The following SENP3 variants were observed in gnomAD, a reference collection of about 807,000 sequenced individuals.
SENP3 encodes the protein SUMO specific peptidase 3.
In SENP3, 11 loss-of-function variants were observed where a neutral mutation model predicts 66.2. The ratio of observed to expected loss-of-function variants is 0.17; its 90% CI spans 0.10 to 0.28. The LOEUF is 0.28. Ranked by LOEUF, SENP3 falls within the 10% of genes least tolerant of loss-of-function variation. SENP3 has a pLI of 1.00. For synonymous variants in SENP3, 292 were observed against 277.6 expected, an observed-to-expected ratio of 1.05 and a Z score of -0.52; for missense variants, 548 against 743.7, an observed-to-expected ratio of 0.74 and a Z score of 3.06.
chr17:7,571,252 C>T (rs997824802), intron 10 of SENP3, 121 bp from the exon 11 acceptor site: 2 of 715,648 alleles, frequency 2.8e-6, no homozygotes, highest in African/African-American at 3.6e-5. Context: ...GAACCCCAGG[C>T]TGTGGGACCC....
At position 7,563,230 on chromosome 17, in the gene SENP3, C is replaced by G; in HGVS notation, c.154C>G (p.Pro52Ala). The change falls in exon 2 of 11, where the codon CCT becomes GCT. Residue 52 changes from proline to alanine, a missense_variant. Transcript: ENST00000321337. Reference sequence around the variant, plus strand: ...GTCAGGTGGAGGGTTTGGGCCAGATCCTGGGTCAGGGACCACAGTGCCAGC... The same window carrying G: ...GTCAGGTGGAGGGTTTGGGCCAGATGCTGGGTCAGGGACCACAGTGCCAGC... ...LKSGGGFGPDPGSGTTVPARR... is the reference protein window; with the variant it reads ...LKSGGGFGPDAGSGTTVPARR... 2 of 1,568,580 alleles carry G rather than the reference C, an allele frequency of 1.3e-6. No individual in the cohort carries two copies. Among genetic ancestry groups the G allele is most frequent in the Non-Finnish European group, 1.7e-6 (2 of 1,156,652 alleles).
At chr17:7,565,094 A>C in intron 4 of SENP3, 24 bp downstream of exon 4, 1 of 1,512,302 alleles carries the variant, frequency 6.6e-7, no homozygotes, top group Non-Finnish European at 9.2e-7. Context: ...GCCCTCCTTG[A>C]AAGAAGGGCT....
At chr17:7,564,584 G>C (rs1410411885) in intron 2 of SENP3, 41 bp from the exon 3 acceptor site, 1 of 1,610,374 alleles carries the variant, frequency 6.2e-7, no homozygotes, top group South Asian at 1.1e-5. Context: ...GCTTTCCCCA[G>C]GCCAGTCTCT....
At chr17:7,565,866 T>C (rs968963436) in intron 6 of SENP3, 102 bp downstream of exon 6, 2 of 998,092 alleles carry the variant, frequency 2.0e-6, no homozygotes, top group Admixed American at 2.2e-5. Context: ...AGAGGGTCTC[T>C]GTTTCAGGGA....
At chr17:7,564,549 G>A (rs986415615) in intron 2 of SENP3, 76 bp from the exon 3 acceptor site, 1 of 1,576,236 alleles carries the variant, frequency 6.3e-7, no homozygotes, top group African/African-American at 1.3e-5. Context: ...TTGCATGCAT[G>A]AGTCAACTGT....
At position 7,570,591 on chromosome 17, in the gene SENP3, C is replaced by T. The variant is rs757218145; in HGVS notation, c.1480-90C>T. 8.9e-6 allele frequency: 14 copies of T among 1,567,926 alleles called. No individual in the cohort carries two copies. The highest frequency in any genetic ancestry group is 1.2e-5 in the Non-Finnish European group (14 of 1,152,436). On this transcript the variant is annotated intron_variant, in intron 8 of 10. Transcript: ENST00000321337. This position sits in a 1 kb window ranked among gnomAD's most constrained non-coding sequence, Gnocchi z 5.4. Reference sequence around the variant, plus strand: ...GGGCTTTGGGTCTTTGAGGGGCGACCTGGGCATGGTGTCTGCCAGCACTGT... The same window carrying T: ...GGGCTTTGGGTCTTTGAGGGGCGACTTGGGCATGGTGTCTGCCAGCACTGT...
At chr17:7,564,341 A>G (rs1219642546) in intron 2 of SENP3, 6 of 560,264 alleles carry the variant, frequency 1.1e-5, no homozygotes, top group Admixed American at 2.4e-5. Flanking sequence ...TTTGGCATAT[A>G]GTGGTGACAA....
At position 7,564,719 on chromosome 17, in the gene SENP3, C is replaced by A. The variant is rs377614020; in HGVS notation, c.810C>A (p.Ile270=). 2.5e-6 allele frequency: 4 copies of A among 1,613,950 alleles called. No individual in the cohort carries two copies. In the African/African-American group the frequency reaches 4.0e-5, roughly 16 times the overall value. The change falls in exon 3 of 11, where the codon ATC becomes ATA. Residue 270 remains isoleucine (I), a synonymous_variant. Coordinates refer to ENST00000321337, the MANE Select transcript of SENP3 (RefSeq NM_015670.6). ...CACCCCCTGATGCCAGCATCCTCAT[C>A]AGCAATGTGTGCAGCATCGGGGACC... ...SLAPPDASIL[I]SNVCSIGDHV...
At position 7,571,910 on chromosome 17, in the gene SENP3, A is replaced by ATATAAATAT. The variant is rs2071328340; in HGVS notation, c.*427_*428insTATAAATAT. The ATATAAATAT allele has an allele frequency of 3.9e-5, 1 of 25,318 alleles. No homozygotes were observed. Among genetic ancestry groups the ATATAAATAT allele is most frequent in the Non-Finnish European group, 7.2e-5 (1 of 13,910 alleles). 1.6% of individuals were successfully genotyped at this position (25,318 alleles called of 1,614,324 possible). On this transcript the variant is annotated 3_prime_UTR_variant, in exon 11 of 11. Coordinates refer to ENST00000321337, the MANE Select transcript of SENP3 (RefSeq NM_015670.6). ...ATATATATATATATATATATATATA[A>ATATAAATAT]AAATATATAAATGCCACGGTCCTGC...
intron 5 of SENP3, 23 bp downstream of exon 5, chr17:7,565,610 G>A: frequency 6.2e-7 from 1 of 1,613,594 alleles, no homozygotes; most frequent in East Asian, 2.2e-5. Flanking sequence ...AGAGAAACAG[G>A]CCTGAGAGGG....
At chr17:7,569,854 C>T (rs902060544) in intron 7 of SENP3, among the ~76,000 whole-genome samples, 4 of 152,186 alleles carry the variant, frequency 2.6e-5, no homozygotes, top group African/African-American at 9.7e-5. Flanking sequence ...GCATTAACTG[C>T]GTGTTTACTT....
chr17:7,562,212 G>A lies in SENP3; in HGVS notation c.-63G>A, dbSNP rs2150917491. On this transcript the variant is annotated 5_prime_UTR_variant, in exon 1 of 11. The change abolishes the stop of an existing upstream ORF in the 5' untranslated region. Coordinates refer to ENST00000321337, the MANE Select transcript of SENP3 (RefSeq NM_015670.6). The surrounding 1 kb of genome is among the most constrained non-coding windows in gnomAD (Gnocchi z 5.0). ...GCCGGAGAGATGAGCCGGGAAGCTTGAGGCCGGAGACGCCCGCCTTCGGGC... is the reference window on the plus strand; with the variant it reads ...GCCGGAGAGATGAGCCGGGAAGCTTAAGGCCGGAGACGCCCGCCTTCGGGC... The A allele has an allele frequency of 5.0e-6, 2 of 398,598 alleles. No homozygotes were observed. Among genetic ancestry groups the A allele is most frequent in the East Asian group, 7.1e-5 (2 of 28,064 alleles). The allele number at this position is 398,598 out of a possible 1,614,324, so 24.7% of individuals were successfully genotyped here.
At position 7,563,288 on chromosome 17, in the gene SENP3, A is replaced by T. The variant is rs1431692205; in HGVS notation, c.212A>T (p.Asp71Val). ...RRLPVPRPSF[D>V]ASASEEEEEE... ...CTCCCTGTCCCCCGACCCTCTTTTG[A>T]TGCCTCAGCAAGTGAAGAGGAGGAA... Residue 71 changes from aspartate to valine, a missense_variant, in exon 2 of 11, where the codon GAT (aspartate) becomes GTT (valine). Around this residue, in one of 6 missense-constraint regions of SENP3, gnomAD observed 164 missense variants for 167.9 expected, o/e 0.98. Coordinates refer to ENST00000321337, the MANE Select transcript of SENP3 (RefSeq NM_015670.6). 1 of 1,553,348 alleles carries T rather than the reference A, an allele frequency of 6.4e-7. No individual in the cohort carries two copies. Among genetic ancestry groups the T allele is most frequent in the African/African-American group, 1.4e-5 (1 of 73,226 alleles).
chr17:7,571,052 G>C, intron 10 of SENP3, 119 bp downstream of exon 10: 1 of 859,318 alleles, frequency 1.2e-6, no homozygotes, highest in South Asian at 1.7e-5. Flanking sequence ...GAAGTAATCT[G>C]TTTTAGAACA....
intron 2 of SENP3, 143 bp downstream of exon 2, chr17:7,563,934 A>G: frequency 1.4e-6 from 1 of 721,192 alleles, no homozygotes; most frequent in South Asian, 1.9e-5. Flanking sequence ...AGAGCTGCGA[A>G]ATGTCTCCAT....
rs372606476 is a variant in SENP3 at position 7,570,820 on chromosome 17, G to A, written c.1563+56G>A. ...TTGGTGGGGACAGTGGTAGAAGGCA[G>A]AAATTGAAGTCCTACCCCTGGGAGT... On this transcript the variant is annotated intron_variant, in intron 9 of 10. Transcript: ENST00000321337. The surrounding 1 kb of genome is among the most constrained non-coding windows in gnomAD (Gnocchi z 5.4). 21 of 1,602,522 alleles carry A rather than the reference G, an allele frequency of 1.3e-5. No homozygotes were observed. The highest frequency in any genetic ancestry group is 3.5e-5 in the Admixed American group (2 of 57,918).
chr17:7,563,399 C>T lies in SENP3; in HGVS notation c.323C>T (p.Ser108Phe). 6.4e-7 allele frequency: 1 copy of T among 1,550,962 alleles called. No individual in the cohort carries two copies. Among genetic ancestry groups the T allele is most frequent in the Non-Finnish European group, 8.7e-7 (1 of 1,146,968 alleles). The change falls in exon 2 of 11, where the codon TCC (serine) becomes TTC (phenylalanine). Residue 108 changes from serine to phenylalanine, a missense_variant. Physicochemically the swap from Ser to Phe is radical, Grantham distance 155 (BLOSUM62 -2). This residue lies in a region of SENP3 where 164 missense variants were observed against 167.9 expected (regional missense o/e 0.98). Coordinates refer to ENST00000321337, the MANE Select transcript of SENP3 (RefSeq NM_015670.6). ...CCAAGATGGAGTCAGCTGGGAACCTCCCAGCGGCCCCGCCCTTCCCGCCCC... is the reference window on the plus strand; with the variant it reads ...CCAAGATGGAGTCAGCTGGGAACCTTCCAGCGGCCCCGCCCTTCCCGCCCC... ...LPPRWSQLGT[S>F]QRPRPSRPTH...
Position 7,571,581 on chromosome 17 carries a change from C to G in SENP3, c.*98C>G. 1 of 740,040 alleles carries G rather than the reference C, an allele frequency of 1.4e-6. No homozygotes were observed. Among genetic ancestry groups the G allele is most frequent in the Non-Finnish European group, 2.3e-6 (1 of 432,380 alleles). 45.8% of individuals were successfully genotyped at this position (740,040 alleles called of 1,614,324 possible). ...TCCTTTCCTCTCTTGCCTCTTCCCA[C>G]TCACTTCCCTTTGGTTTTTCATATT... On this transcript the variant is annotated 3_prime_UTR_variant, in exon 11 of 11. Coordinates refer to ENST00000321337, the MANE Select transcript of SENP3 (RefSeq NM_015670.6).
Position 7,564,618 on chromosome 17 carries a change from C to T in SENP3, c.716-7C>T. ...CTCATGCCCATTCCATTTCCCCTGC[C>T]CTATAGGCCTCCTTTCATGTACTCT... On this transcript the variant is annotated splice_region_variant and splice_polypyrimidine_tract_variant and intron_variant, in intron 2 of 10. Transcript: ENST00000321337. The T allele has an allele frequency of 6.2e-7, 1 of 1,613,918 alleles. No homozygotes were observed. Among genetic ancestry groups the T allele is most frequent in the Admixed American group, 1.7e-5 (1 of 59,990 alleles).
Sources: allele counts gnomAD v4.1 joint callset (sites outside exome capture counted in the v4.1 genomes callset), GRCh38; gene constraint gnomAD v4.1.1; regional missense constraint gnomAD v4.1.1; non-coding constraint Gnocchi (gnomAD v3.1); transcripts MANE v1.5; gene names NCBI Gene and HGNC (gene_info 2026-07-23, HGNC 2026-07-21).